FANCI: variants seen among roughly 807,000 people sequenced by gnomAD.
FANCI encodes FA complementation group I.
Under a neutral mutation model 176.1 loss-of-function variants are expected in FANCI, and 156 were observed. The ratio of observed to expected loss-of-function variants is 0.89; its 90% CI spans 0.78 to 1.01. The LOEUF is 1.01. FANCI is among the 50% of genes least tolerant of loss of function. The pLI is 0.00. For missense variants in FANCI, 1,678 were observed against 1,534.1 expected (o/e 1.09, Z -1.57); for synonymous variants, 613 against 541.7 (o/e 1.13, Z -1.83).
intron 3 of FANCI, 141 bp from the exon 4 acceptor site, chr15:89,260,572 C>T (rs1034727968): frequency 1.9e-6 from 2 of 1,071,120 alleles, no homozygotes; most frequent in Non-Finnish European, 2.8e-6. Flanking sequence ...AAGCCCTTAA[C>T]CATTGCTGTT....
rs1305416697 is a variant in FANCI, at chr15:89,285,230, G to A, written c.1821+12G>A. On this transcript the variant is annotated intron_variant, in intron 18 of 37. Transcript: ENST00000310775. ...TCATGCTTTATGAGGTAAGTCCGTAGAATGGAAAGAATGTAGCAAAACCCC... is the reference window on the plus strand; with the variant it reads ...TCATGCTTTATGAGGTAAGTCCGTAAAATGGAAAGAATGTAGCAAAACCCC... 6.2e-7 allele frequency: 1 copy of A among 1,613,924 alleles called. No homozygotes were observed. The highest frequency in any genetic ancestry group is 2.2e-5 in the East Asian group (1 of 44,846).
chr15:89,280,598 T>C (rs1490246422), intron 14 of FANCI, among the ~76,000 whole-genome samples: 4 of 152,184 alleles, frequency 2.6e-5, no homozygotes, highest in Admixed American at 6.5e-5. Context: ...GCTTTCCTAA[T>C]ATATACCAAC....
At position 89,316,881 on chromosome 15, in the gene FANCI, G is replaced by C. The variant is rs896704748; in HGVS notation, c.*422G>C. On this transcript the variant is annotated 3_prime_UTR_variant, in exon 38 of 38. Coordinates refer to ENST00000310775, the MANE Select transcript of FANCI (RefSeq NM_001113378.2). ...GCCACCTCAAGAACTGTAACTGAGA[G>C]CTCAGAAGTGAGCAAAGGAGCTTAA... is the stretch of plus-strand genomic sequence containing the variant. 11 of 1,292,902 alleles carry C rather than the reference G, an allele frequency of 8.5e-6. No homozygotes were observed. The highest frequency in any genetic ancestry group is 2.9e-5 in the African/African-American group (2 of 68,836). The allele number at this position is 1,292,902 out of a possible 1,614,324, so 80.1% of individuals were successfully genotyped here.
chr15:89,290,059 G>A (rs1469457145), intron 18 of FANCI, among the ~76,000 whole-genome samples, 154 bp from the exon 19 acceptor site: 3 of 152,232 alleles, frequency 2.0e-5, no homozygotes, highest in South Asian at 4.2e-4. Context: ...AAAAAATATG[G>A]TCATTTATAT....
At chr15:89,307,976 T>C (rs2054792630) in intron 34 of FANCI, 1 of 1,275,986 alleles carries the variant, frequency 7.8e-7, no homozygotes, top group Non-Finnish European at 1.0e-6. Context: ...TGAAAGTCCA[T>C]GCCATGAGGC....
chr15:89,262,015 T>A (rs2052731556), intron 6 of FANCI, 137 bp downstream of exon 6: 1 of 735,360 alleles, frequency 1.4e-6, no homozygotes, highest in Admixed American at 2.2e-5. Flanking sequence ...TAAAACTATT[T>A]AGTCTGCAAT....
At chr15:89,259,878 A>G (rs1471394010) in intron 3 of FANCI, among the ~76,000 whole-genome samples, 2 of 152,168 alleles carry the variant, frequency 1.3e-5, no homozygotes, top group South Asian at 2.1e-4. Context: ...ACATTTTTCC[A>G]TTCATGAGTT....
chr15:89,244,441 G>T (rs1372916032), intron 1 of FANCI, among the ~76,000 whole-genome samples: 5 of 152,216 alleles, frequency 3.3e-5, no homozygotes, highest in African/African-American at 1.2e-4. Flanking sequence ...TTTCCCGCCG[G>T]CGGGGCTCTG....
intron 2 of FANCI, among the ~76,000 whole-genome samples, chr15:89,255,097 C>T (rs2052436077): frequency 6.6e-6 from 1 of 152,118 alleles, no homozygotes; most frequent in Non-Finnish European, 1.5e-5. Context: ...TGTCATTTCC[C>T]CCTGATTTCC....
intron 18 of FANCI, among the ~76,000 whole-genome samples, chr15:89,288,680 T>C (rs1332254570): frequency 6.6e-6 from 1 of 151,682 alleles, no homozygotes; most frequent in Non-Finnish European, 1.5e-5. Flanking sequence ...AGTGCACTAG[T>C]GCAGTCTAAC....
At chr15:89,303,309 CTG>C (rs1038781116) in intron 27 of FANCI, among the ~76,000 whole-genome samples, 6 of 152,222 alleles carry the variant, frequency 3.9e-5, no homozygotes, top group African/African-American at 1.4e-4. Context: ...AGAAAGTTGA[CTG>C]TGTGTCTGGT....
intron 10 of FANCI, among the ~76,000 whole-genome samples, chr15:89,270,643 C>T (rs944671727): frequency 6.6e-6 from 1 of 152,022 alleles, no homozygotes; most frequent in African/African-American, 2.4e-5. Flanking sequence ...TCTCCTTTCC[C>T]TATTGTTTTG....
At chr15:89,299,777 A>G (rs2151837823) in intron 24 of FANCI, 23 bp from the exon 25 acceptor site, 1 of 1,611,566 alleles carries the variant, frequency 6.2e-7, no homozygotes, top group East Asian at 2.2e-5. Context: ...CTTTAAAAAC[A>G]ATACCACTTT....
chr15:89,297,803 T>A (rs1291103206), intron 24 of FANCI, among the ~76,000 whole-genome samples: 4 of 149,948 alleles, frequency 2.7e-5, no homozygotes, highest in Non-Finnish European at 4.4e-5. Flanking sequence ...CTCGTTTGTT[T>A]TTTTGTTTTT....
chr15:89,285,218 G>C lies in FANCI; in HGVS notation c.1821G>C (p.Glu607Asp). The change falls in exon 18 of 38, where the codon GAG becomes GAC. Residue 607 changes from glutamate (E) to aspartate (D), a missense_variant and splice_region_variant. By Grantham distance (45) the Glu-to-Asp change is conservative. Transcript: ENST00000310775. ...QQADVRLMLYEGFYDVLRRNS... is the reference protein window; with the variant it reads ...QQADVRLMLYDGFYDVLRRNS... ...CTGATGTTCGACTCATGCTTTATGA[G>C]GTAAGTCCGTAGAATGGAAAGAATG... 5 of 1,614,028 alleles carry C rather than the reference G, an allele frequency of 3.1e-6. No individual in the cohort carries two copies. The South Asian group carries it at 4.4e-5, about 14-fold the overall frequency.
chr15:89,304,763 G>A (rs2054651270), intron 28 of FANCI, among the ~76,000 whole-genome samples: 1 of 149,326 alleles, frequency 6.7e-6, no homozygotes, highest in Non-Finnish European at 1.5e-5. Flanking sequence ...GGACCTGACT[G>A]GGTTATAACT....
chr15:89,283,802 G>GAGT (rs2053711756), intron 17 of FANCI, among the ~76,000 whole-genome samples: 1 of 151,312 alleles, frequency 6.6e-6, no homozygotes, highest in Non-Finnish European at 1.5e-5. Flanking sequence ...ACCCAGGCTG[G>GAGT]AGTGCAGTGG....
At chr15:89,312,533 C>G (rs1465986380) in intron 34 of FANCI, among the ~76,000 whole-genome samples, 2 of 152,218 alleles carry the variant, frequency 1.3e-5, no homozygotes, top group African/African-American at 4.8e-5. Flanking sequence ...AAAATTGCCA[C>G]TAGTTGGTGG....
At chr15:89,268,894 C>T (rs748112591) in intron 10 of FANCI, among the ~76,000 whole-genome samples, 2 of 152,086 alleles carry the variant, frequency 1.3e-5, no homozygotes, top group African/African-American at 2.4e-5. Context: ...CAGCTATGGC[C>T]TCTGCTTTCT....
Sources: allele counts gnomAD v4.1 joint callset (sites outside exome capture counted in the v4.1 genomes callset), GRCh38; gene constraint gnomAD v4.1.1; transcripts MANE v1.5; gene names NCBI Gene and HGNC (gene_info 2026-07-23, HGNC 2026-07-21).